The following DAPK2 variants were observed in gnomAD, a reference collection of about 807,000 sequenced individuals.
The protein encoded by DAPK2 is death associated protein kinase 2.
DAPK2 carries 35 observed loss-of-function variants against 44.1 expected under a neutral mutation model. The observed-to-expected ratio is 0.79, with a 90% CI of 0.61 to 1.05. The LOEUF (loss-of-function observed/expected upper bound fraction) is 1.05. Ranked by LOEUF, DAPK2 falls within the 50% of genes least tolerant of loss-of-function variation. The pLI is 0.00. For missense variants in DAPK2, 453 were observed against 483.2 expected (o/e 0.94, Z 0.59); for synonymous variants, 174 against 182.6 (o/e 0.95, Z 0.38).
chr15:63,948,270 C>CAAAAAAAAA lies in DAPK2; in HGVS notation c.454-8918_454-8910dup, dbSNP rs3056984. 4.2e-3 allele frequency among the ~76,000 whole-genome samples: 218 copies of CAAAAAAAAA among 51,912 alleles called. 21 individuals are homozygous for CAAAAAAAAA. The highest frequency in any genetic ancestry group is 5.3e-3 in the Non-Finnish European group (170 of 32,052). The allele number at this position is 51,912 out of a possible 152,430, so 34.1% of individuals were successfully genotyped here. A position where few individuals can be genotyped will look rare whatever the true frequency, so the allele number is the denominator to read the frequency against. ...TGCATGATGGAGTGAGACTCCATCT[C>CAAAAAAAAA]AAAAAAAAAAAAAAAAAAAAAAAAA... On this transcript the variant is annotated intron_variant, in intron 3 of 10. Coordinates refer to ENST00000261891, the Ensembl canonical transcript of DAPK2.
At chr15:64,036,131 C>T (rs1165345847) in intron 1 of DAPK2, among the ~76,000 whole-genome samples, 4 of 150,688 alleles carry the variant, frequency 2.7e-5, no homozygotes, top group Non-Finnish European at 5.9e-5. Flanking sequence ...CATGGTAGCA[C>T]GCACCTGTAG....
chr15:63,924,178 A>G (rs1441355177), intron 8 of DAPK2, among the ~76,000 whole-genome samples: 2 of 152,192 alleles, frequency 1.3e-5, no homozygotes, highest in African/African-American at 4.8e-5. Flanking sequence ...CCAGACCACA[A>G]GAGCCTCTGG....
intron 2 of DAPK2, among the ~76,000 whole-genome samples, chr15:63,972,667 A>G (rs935888099): frequency 1.3e-5 from 2 of 152,194 alleles, no homozygotes; most frequent in African/African-American, 4.8e-5. Flanking sequence ...TTGGCTGAGG[A>G]GATTTCTAAG....
intron 1 of DAPK2, among the ~76,000 whole-genome samples, chr15:64,031,861 T>C (rs1312248625): frequency 6.6e-6 from 1 of 152,190 alleles, no homozygotes; most frequent in Non-Finnish European, 1.5e-5. Context: ...AACTCAATAA[T>C]GTATGTCCGG....
At chr15:63,991,424 C>G in intron 1 of DAPK2, 1 of 437,916 alleles carries the variant, frequency 2.3e-6, no homozygotes, top group Non-Finnish European at 4.6e-6. Flanking sequence ...CCCCTCGTTT[C>G]ATGAGCCTGT....
Position 64,046,202 on chromosome 15 carries a change from G to C in DAPK2, c.-7+96C>G. ...CCGGGATCTGCGAGCGAGTGCCCCGGATCTCTTCGCCCCGCCAGCCCCAGA... is the reference window on the plus strand; with the variant it reads ...CCGGGATCTGCGAGCGAGTGCCCCGCATCTCTTCGCCCCGCCAGCCCCAGA... On this transcript the variant is annotated intron_variant, in intron 1 of 11. Transcript: ENST00000457488. The surrounding 1 kb of genome is among the most constrained non-coding windows in gnomAD (Gnocchi z 5.3). 1 of 429,100 alleles carries C rather than the reference G, an allele frequency of 2.3e-6. No homozygotes were observed. The highest frequency in any genetic ancestry group is 3.1e-6 in the Non-Finnish European group (1 of 320,618). 26.6% of individuals were successfully genotyped at this position (429,100 alleles called of 1,614,324 possible). A position where few individuals can be genotyped will look rare whatever the true frequency, so the allele number is the denominator to read the frequency against.
At chr15:63,987,526 T>C (rs1217086545) in intron 1 of DAPK2, among the ~76,000 whole-genome samples, 2 of 152,180 alleles carry the variant, frequency 1.3e-5, no homozygotes, top group African/African-American at 2.4e-5. Flanking sequence ...CTGCCCCCCA[T>C]AGCAACAATC....
In DAPK2 at chr15:64,020,035, T is replaced by A. The variant is rs2079641110; in HGVS notation, c.92+20135A>T. On this transcript the variant is annotated intron_variant, in intron 1 of 10. Coordinates refer to ENST00000261891, the Ensembl canonical transcript of DAPK2. The surrounding 1 kb of genome is among the most constrained non-coding windows in gnomAD (Gnocchi z 4.5). ...CTGTGTCTAATCTCAGCAGAAGCAG[T>A]CTCAGTGGCACCCGCAGGCTTTACT... is the stretch of plus-strand genomic sequence containing the variant. 6.6e-6 allele frequency among the ~76,000 whole-genome samples: 1 copy of A among 152,156 alleles called. No individual in the cohort carries two copies. The highest frequency in any genetic ancestry group is 2.4e-5 in the African/African-American group (1 of 41,436).
chr15:64,031,076 A>T (rs1325344956), intron 1 of DAPK2, among the ~76,000 whole-genome samples: 1 of 151,966 alleles, frequency 6.6e-6, no homozygotes, highest in African/African-American at 2.4e-5. Context: ...GCTAGGATGG[A>T]ATCCTGACTG....
intron 3 of DAPK2, among the ~76,000 whole-genome samples, chr15:63,967,290 G>A (rs2078080878): frequency 6.6e-6 from 1 of 152,198 alleles, no homozygotes; most frequent in Non-Finnish European, 1.5e-5. Flanking sequence ...ATGGATAGTT[G>A]TTCAATTTGG....
chr15:63,985,142 A>G (rs1269381813), intron 1 of DAPK2, among the ~76,000 whole-genome samples: 2 of 152,254 alleles, frequency 1.3e-5, no homozygotes, highest in Non-Finnish European at 2.9e-5. Flanking sequence ...GGCACAGACA[A>G]CAGGTACAGA....
Position 64,033,864 on chromosome 15 carries a change from G to A in DAPK2, c.92+6306C>T, listed in dbSNP as rs552083688. Reference sequence around the variant, plus strand: ...CGGGAGGCAGAGCTTGCAGTGAGCCGAGATGGCGCCACTGCACTCCAGCCT... The same window carrying A: ...CGGGAGGCAGAGCTTGCAGTGAGCCAAGATGGCGCCACTGCACTCCAGCCT... On this transcript the variant is annotated intron_variant, in intron 1 of 10. Transcript: ENST00000261891. Among the ~76,000 whole-genome samples, 10 of 151,446 alleles carry A rather than the reference G, an allele frequency of 6.6e-5. No homozygotes were observed. In the South Asian group the frequency reaches 1.0e-3, roughly 16 times the overall value.
At chr15:63,915,925 G>A (rs955996178) in intron 8 of DAPK2, among the ~76,000 whole-genome samples, 78 of 151,338 alleles carry the variant, frequency 5.2e-4, no homozygotes, top group African/African-American at 1.8e-3. Context: ...AGGGAATGTG[G>A]CACAAACACT....
intron 1 of DAPK2, among the ~76,000 whole-genome samples, chr15:64,035,718 C>G (rs1779959885): frequency 6.6e-6 from 1 of 152,180 alleles, no homozygotes; most frequent in Non-Finnish European, 1.5e-5. Context: ...TTCTGCAAGC[C>G]AATATTTCTC....
rs76734404 is a variant in DAPK2, at chr15:63,925,889, C to T, written c.812+52G>A. ...CATACTGACAGGTCTTTGACAGAGG[C>T]GACAGGAAGGGATCAGTACCTGAGA... On this transcript the variant is annotated intron_variant, in intron 7 of 10. Coordinates refer to ENST00000261891, the Ensembl canonical transcript of DAPK2. The T allele has an allele frequency of 4.2e-3, 6,737 of 1,610,322 alleles. 205 individuals are homozygous for T. In the African/African-American group the frequency reaches 0.072, roughly 17 times the overall value.
intron 1 of DAPK2, among the ~76,000 whole-genome samples, chr15:64,019,708 C>T (rs1017827144): frequency 2.6e-5 from 4 of 152,164 alleles, no homozygotes; most frequent in African/African-American, 9.7e-5. Context: ...ATGTAAGTAT[C>T]CATTCATTTT....
rs867622129 is a variant in DAPK2 at position 63,912,494 on chromosome 15, C to T, written c.859-297G>A. On this transcript the variant is annotated intron_variant, in intron 8 of 10. Coordinates refer to ENST00000261891, the Ensembl canonical transcript of DAPK2. The surrounding 1 kb of genome is among the most constrained non-coding windows in gnomAD (Gnocchi z 4.4). ...GCAGGAGGCAGGCCCTCCAATCGCA[C>T]ATCACTTTGGGGAGAGGGTCATTTT... Among the ~76,000 whole-genome samples the T allele has an allele frequency of 5.9e-5, 9 of 152,262 alleles. No homozygotes were observed. Among genetic ancestry groups the T allele is most frequent in the Non-Finnish European group, 1.2e-4 (8 of 68,048 alleles).
intron 1 of DAPK2, among the ~76,000 whole-genome samples, chr15:64,018,373 C>T (rs1231073225): frequency 2.6e-5 from 4 of 152,120 alleles, no homozygotes; most frequent in African/African-American, 7.2e-5. Context: ...ACTAACCCAG[C>T]GAAAAAGCTA....
Position 63,908,785 on chromosome 15 carries a change from C to T in DAPK2, c.1033-185G>A. The T allele has an allele frequency of 2.3e-6, 1 of 429,194 alleles. No individual in the cohort carries two copies. The highest frequency in any genetic ancestry group is 4.1e-6 in the Non-Finnish European group (1 of 242,360). The allele number at this position is 429,194 out of a possible 1,614,324, so 26.6% of individuals were successfully genotyped here. A position where few individuals can be genotyped will look rare whatever the true frequency, so the allele number is the denominator to read the frequency against. ...GGGATGGGAGGGATCTGAAACGAGG[C>T]CAGACCAACTGCTTGGAGGAAGGAA... On this transcript the variant is annotated intron_variant, in intron 10 of 10. Transcript: ENST00000261891. This position sits in a 1 kb window ranked among gnomAD's most constrained non-coding sequence, Gnocchi z 5.7.
Sources: allele counts gnomAD v4.1 joint callset (sites outside exome capture counted in the v4.1 genomes callset), GRCh38; gene constraint gnomAD v4.1.1; non-coding constraint Gnocchi (gnomAD v3.1); transcripts MANE v1.5; gene names NCBI Gene and HGNC (gene_info 2026-07-23, HGNC 2026-07-21).